The following DIAPH3 variants were observed in gnomAD, a reference collection of about 807,000 sequenced individuals.
DIAPH3 encodes the protein diaphanous related formin 3.
Under a neutral mutation model 144.3 loss-of-function variants are expected in DIAPH3, and 117 were observed. That is an observed-to-expected ratio of 0.81 (90% CI 0.70 to 0.95). The LOEUF is 0.95. Ranked by LOEUF, DIAPH3 falls within the 40% of genes least tolerant of loss-of-function variation. The probability of loss-of-function intolerance (pLI) is 0.00; values close to 1 mark genes in which losing one functional copy is unlikely to be tolerated. For missense variants in DIAPH3, 1,421 were observed against 1,412.7 expected, an observed-to-expected ratio of 1.01 and a Z score of -0.09; for synonymous variants, 519 against 488.9, an observed-to-expected ratio of 1.06 and a Z score of -0.81.
chr13:59,727,892 G>A (rs2035686301), intron 27 of DIAPH3, among the ~76,000 whole-genome samples: 1 of 152,126 alleles, frequency 6.6e-6, no homozygotes, highest in African/African-American at 2.4e-5. Flanking sequence ...TAAAGAAGGT[G>A]AGTGTGGACA....
At chr13:60,159,174 C>T (rs1451541236) in intron 1 of DIAPH3, among the ~76,000 whole-genome samples, 3 of 152,124 alleles carry the variant, frequency 2.0e-5, no homozygotes, top group Non-Finnish European at 2.9e-5. Flanking sequence ...CTTCTCACCT[C>T]GCAGCCTGCC....
At position 59,666,864 on chromosome 13, in the gene DIAPH3, GA is replaced by G; in HGVS notation, c.3320-19del. ...CTGATTTTCTACAGTAAGGAAAAAA[GA>G]AACATAAAACTTATCACCATGATAA... On this transcript the variant is annotated intron_variant, in intron 27 of 27. Transcript: ENST00000400324. The G allele has an allele frequency of 6.2e-7, 1 of 1,613,900 alleles. No homozygotes were observed. The highest frequency in any genetic ancestry group is 8.5e-7 in the Non-Finnish European group (1 of 1,179,876).
At chr13:60,126,819 A>G (rs2059003795) in intron 2 of DIAPH3, among the ~76,000 whole-genome samples, 1 of 152,144 alleles carries the variant, frequency 6.6e-6, no homozygotes, top group Non-Finnish European at 1.5e-5. Context: ...AAAGAAAATA[A>G]GAAATTTAAA....
chr13:60,077,738 T>A (rs566424733), intron 4 of DIAPH3, among the ~76,000 whole-genome samples: 2 of 152,232 alleles, frequency 1.3e-5, no homozygotes, highest in Admixed American at 1.3e-4. Flanking sequence ...TGCAGCAAGA[T>A]TTCTCTGCCT....
chr13:59,815,846 G>T (rs1719277028), intron 24 of DIAPH3, among the ~76,000 whole-genome samples: 1 of 152,040 alleles, frequency 6.6e-6, no homozygotes, highest in South Asian at 2.1e-4. Flanking sequence ...TATTCATAGA[G>T]TGCTATAATG....
Position 59,810,808 on chromosome 13 carries a change from C to T in DIAPH3, c.3143G>A (p.Arg1048His), listed in dbSNP as rs775919583. 21 of 1,613,304 alleles carry T rather than the reference C, an allele frequency of 1.3e-5. No homozygotes were observed. The highest frequency in any genetic ancestry group is 5.5e-5 in the South Asian group (5 of 90,996). ...ERLERQQKKKRLLEMKTEGDE... is the reference protein window; with the variant it reads ...ERLERQQKKKHLLEMKTEGDE... Reference sequence around the variant, plus strand: ...CTCACCAGTCTTCATTTCTAATAAACGCTTTTTCTTTTGTTGGCGTTCGAG... The same window carrying T: ...CTCACCAGTCTTCATTTCTAATAAATGCTTTTTCTTTTGTTGGCGTTCGAG... The change falls in exon 25 of 28, where the codon CGT becomes CAT. Residue 1048 changes from arginine (R) to histidine (H), a missense_variant. Transcript: ENST00000400324.
intron 17 of DIAPH3, among the ~76,000 whole-genome samples, chr13:59,969,698 A>C (rs2050248195): frequency 6.6e-6 from 1 of 152,206 alleles, no homozygotes; most frequent in Non-Finnish European, 1.5e-5. Flanking sequence ...TCCCAATGGA[A>C]TATCTTCAAA....
At chr13:60,131,457 A>C (rs1475127623) in intron 2 of DIAPH3, among the ~76,000 whole-genome samples, 33 of 151,110 alleles carry the variant, frequency 2.2e-4, no homozygotes, top group African/African-American at 7.0e-4. Flanking sequence ...AAAAAAAAAA[A>C]AAACAAATGA....
chr13:59,694,209 G>C (rs976891603), intron 27 of DIAPH3, among the ~76,000 whole-genome samples: 1 of 152,062 alleles, frequency 6.6e-6, no homozygotes, highest in Non-Finnish European at 1.5e-5. Context: ...ATAGGAGACT[G>C]GTAAAAACTC....
At chr13:59,784,705 G>C (rs953550882) in intron 25 of DIAPH3, among the ~76,000 whole-genome samples, 3 of 152,130 alleles carry the variant, frequency 2.0e-5, no homozygotes, top group African/African-American at 7.2e-5. Context: ...GTAGTAGTAA[G>C]TGACGTGAAG....
chr13:59,824,638 G>A (rs1173403654), intron 24 of DIAPH3, among the ~76,000 whole-genome samples: 1 of 152,152 alleles, frequency 6.6e-6, no homozygotes, highest in Non-Finnish European at 1.5e-5. Context: ...TAAGTTACGG[G>A]AGAAAGAGAC....
chr13:60,010,324 G>A (rs1042054028), intron 8 of DIAPH3, among the ~76,000 whole-genome samples: 1 of 152,028 alleles, frequency 6.6e-6, no homozygotes, highest in Non-Finnish European at 1.5e-5. Flanking sequence ...TTTCATAGAA[G>A]TATGTTAGAC....
chr13:60,045,607 T>C (rs2056017043), intron 4 of DIAPH3, among the ~76,000 whole-genome samples: 3 of 152,202 alleles, frequency 2.0e-5, no homozygotes, highest in African/African-American at 4.8e-5. Flanking sequence ...GTAGGTTGTT[T>C]ACAATTTCTT....
chr13:60,026,155 A>G (rs1205085334), intron 5 of DIAPH3, among the ~76,000 whole-genome samples: 2 of 152,114 alleles, frequency 1.3e-5, no homozygotes, highest in African/African-American at 4.8e-5. Flanking sequence ...TCTCTTATAC[A>G]TCCCCACACA....
At chr13:59,961,181 A>G (rs193157975) in intron 17 of DIAPH3, among the ~76,000 whole-genome samples, 1 of 152,344 alleles carries the variant, frequency 6.6e-6, no homozygotes, top group African/African-American at 2.4e-5. Context: ...CAGAGATGAT[A>G]CACAAAACTT....
At chr13:59,740,384 T>G (rs558840037) in intron 27 of DIAPH3, among the ~76,000 whole-genome samples, 1 of 152,344 alleles carries the variant, frequency 6.6e-6, no homozygotes, top group African/African-American at 2.4e-5. Flanking sequence ...ACTTGTTTCC[T>G]AGAACTGTTG....
In DIAPH3 at chr13:60,042,767, C is replaced by T. The variant is rs1333420161; in HGVS notation, c.549G>A (p.Leu183=). 2 of 1,613,670 alleles carry T rather than the reference C, an allele frequency of 1.2e-6. No homozygotes were observed. Among genetic ancestry groups the T allele is most frequent in the Admixed American group, 3.3e-5 (2 of 59,978 alleles). The change falls in exon 5 of 28, where the codon CTG becomes CTA. Residue 183 remains leucine, a synonymous_variant. Coordinates refer to ENST00000400324, the MANE Select transcript of DIAPH3 (RefSeq NM_001042517.2). ...QISPQEFIHE[L]KMGSADERLV... Reference sequence around the variant, plus strand: ...GTCTCTCATCTGCAGACCCCATTTTCAGCTCATGAATGAATTCCTGAGGTG... The same window carrying T: ...GTCTCTCATCTGCAGACCCCATTTTTAGCTCATGAATGAATTCCTGAGGTG...
At chr13:59,983,702 A>C (rs538953583) in intron 13 of DIAPH3, 67 bp downstream of exon 13, 1 of 1,103,850 alleles carries the variant, frequency 9.1e-7, no homozygotes, top group South Asian at 1.3e-5. Flanking sequence ...CCGAGAACCA[A>C]TGCCCTAGAG....
rs1399433935 is a variant in DIAPH3, at chr13:60,163,825, G to T, written c.-59C>A. ...TGGCCACTCAGCAAGCCGCAAGCTG[G>T]AAGCTGAGGGATCGACAACAGGTTT... is the stretch of plus-strand genomic sequence containing the variant. On this transcript the variant is annotated 5_prime_UTR_variant, in exon 1 of 28. Transcript: ENST00000400324. 23 of 1,532,256 alleles carry T rather than the reference G, an allele frequency of 1.5e-5. No individual in the cohort carries two copies. In the African/African-American group the frequency reaches 3.0e-4, roughly 20 times the overall value. 94.9% of individuals were successfully genotyped at this position (1,532,256 alleles called of 1,614,324 possible).
Sources: gnomAD v4.1 joint callset for allele counts (sites outside exome capture counted in the v4.1 genomes callset) on GRCh38, gnomAD v4.1.1 for gene constraint, MANE v1.5 for transcripts, NCBI Gene and HGNC (gene_info 2026-07-23, HGNC 2026-07-21) for gene names.